The following AQR variants were observed in gnomAD, a reference collection of about 807,000 sequenced individuals.
AQR encodes the protein aquarius intron-binding spliceosomal factor.
Under a neutral mutation model 180.5 loss-of-function variants are expected in AQR, and 61 were observed. That is an observed-to-expected ratio of 0.34 (90% CI 0.28 to 0.42). AQR has a LOEUF of 0.42. Ranked by LOEUF, AQR falls within the 10% of genes least tolerant of loss-of-function variation. AQR has a pLI of 1.00. For missense variants in AQR, 1,281 were observed against 1,798.3 expected, an observed-to-expected ratio of 0.71 and a Z score of 5.20; for synonymous variants, 551 against 588.8, an observed-to-expected ratio of 0.94 and a Z score of 0.93.
intron 2 of AQR, among the ~76,000 whole-genome samples, chr15:34,961,585 G>T (rs1466770294): frequency 7.7e-6 from 1 of 129,462 alleles, no homozygotes; most frequent in East Asian, 2.3e-4. Flanking sequence ...ACTCCATCCA[G>T]CCTGGTGATA....
At chr15:34,886,782 C>T in intron 24 of AQR, 121 bp from the exon 25 acceptor site, 1 of 1,020,958 alleles carries the variant, frequency 9.8e-7, no homozygotes, top group Non-Finnish European at 1.4e-6. Context: ...GAAGATATGG[C>T]TTCTATTTAA....
intron 4 of AQR, among the ~76,000 whole-genome samples, chr15:34,952,269 C>G (rs1894246182): frequency 6.6e-6 from 1 of 152,208 alleles, no homozygotes; most frequent in Non-Finnish European, 1.5e-5. Context: ...GCTTCTGTTT[C>G]CAGTAAATAC....
At chr15:34,896,414 C>T (rs766562659) in intron 22 of AQR, among the ~76,000 whole-genome samples, 3 of 152,016 alleles carry the variant, frequency 2.0e-5, no homozygotes, top group Non-Finnish European at 4.4e-5. Context: ...AACACTGAAG[C>T]GAGCAGCAAG....
At chr15:34,907,714 GA>G (rs1893439603) in intron 17 of AQR, among the ~76,000 whole-genome samples, 2 of 152,162 alleles carry the variant, frequency 1.3e-5, no homozygotes, top group African/African-American at 4.8e-5. Flanking sequence ...GAAGTAATGA[GA>G]ATGAATGGGA....
At chr15:34,947,789 G>C (rs1242548527) in intron 5 of AQR, among the ~76,000 whole-genome samples, 1 of 151,944 alleles carries the variant, frequency 6.6e-6, no homozygotes, top group African/African-American at 2.4e-5. Context: ...ACAGACTCAT[G>C]CCACCATGCC....
intron 23 of AQR, among the ~76,000 whole-genome samples, chr15:34,891,037 T>C (rs1476374742): frequency 6.6e-6 from 1 of 152,152 alleles, no homozygotes; most frequent in Non-Finnish European, 1.5e-5. Context: ...TTCAAACATC[T>C]CACTTTCACT....
At chr15:34,944,576 C>T (rs2140498776) in intron 5 of AQR, 148 bp from the exon 6 acceptor site, 2 of 752,730 alleles carry the variant, frequency 2.7e-6, no homozygotes, top group South Asian at 6.0e-5. Context: ...GCATCACGTG[C>T]TTACTTATAA....
chr15:34,932,610 G>A (rs139185321), intron 10 of AQR, among the ~76,000 whole-genome samples, 176 bp from the exon 11 acceptor site: 1 of 152,066 alleles, frequency 6.6e-6, no homozygotes, highest in East Asian at 1.9e-4. Flanking sequence ...TAAACCCAGT[G>A]GCAATGTTTT....
chr15:34,963,703 A>G (rs1052658384), intron 2 of AQR, among the ~76,000 whole-genome samples: 4 of 148,016 alleles, frequency 2.7e-5, no homozygotes, highest in African/African-American at 7.9e-5. Flanking sequence ...TCGCTCTGTC[A>G]TCCAGGCTGG....
chr15:34,959,725 C>T (rs529891189), intron 3 of AQR, among the ~76,000 whole-genome samples: 3 of 152,332 alleles, frequency 2.0e-5, no homozygotes, highest in Non-Finnish European at 4.4e-5. Flanking sequence ...AGTCTCTCCA[C>T]CTCTATCTTT....
At chr15:34,858,555 C>T (rs571907305) in intron 34 of AQR, among the ~76,000 whole-genome samples, 138 of 152,208 alleles carry the variant, frequency 9.1e-4, no homozygotes, top group African/African-American at 3.1e-3. Flanking sequence ...TTAAAAACTG[C>T]AGCATGCTTT....
rs1470318116 is a variant in AQR at position 34,884,592 on chromosome 15, T to A, written c.2960A>T (p.Tyr987Phe). 6.2e-7 allele frequency: 1 copy of A among 1,602,090 alleles called. No individual in the cohort carries two copies. Reference sequence around the variant, plus strand: ...TTCAGCAATTTCCATGTCTTCTTCATAAGATCTTCCTTTAAAAATGGGTTG... The same window carrying A: ...TTCAGCAATTTCCATGTCTTCTTCAAAAGATCTTCCTTTAAAAATGGGTTG... ...APQPIFKGRS[Y>F]EEDMEIAEGC... Residue 987 changes from tyrosine (Y) to phenylalanine (F), a missense_variant, in exon 26 of 35, where the codon TAT becomes TTT. Tyr to Phe is a conservative substitution (Grantham distance 22, BLOSUM62 3). This residue lies in a region of AQR where 125 missense variants were observed against 185.0 expected (regional missense o/e 0.68). Coordinates refer to ENST00000156471, the MANE Select transcript of AQR (RefSeq NM_014691.3).
intron 9 of AQR, among the ~76,000 whole-genome samples, chr15:34,935,044 C>T (rs544265189): frequency 2.6e-5 from 4 of 152,154 alleles, no homozygotes; most frequent in South Asian, 2.1e-4. Context: ...AGAGTTTTCT[C>T]GTATGTATAA....
At chr15:34,920,520 A>T in intron 13 of AQR, 86 bp from the exon 14 acceptor site, 3 of 985,826 alleles carry the variant, frequency 3.0e-6, no homozygotes, top group Non-Finnish European at 4.6e-6. Flanking sequence ...AGCTTAAAAA[A>T]GCAAATATAA....
chr15:34,879,945 C>T (rs1307436340), intron 27 of AQR, among the ~76,000 whole-genome samples: 1 of 152,148 alleles, frequency 6.6e-6, no homozygotes, highest in African/African-American at 2.4e-5. Flanking sequence ...TCCCACAACC[C>T]AGGGACCCAG....
chr15:34,932,946 A>G (rs1305447720), intron 10 of AQR, among the ~76,000 whole-genome samples: 2 of 152,180 alleles, frequency 1.3e-5, no homozygotes, highest in African/African-American at 2.4e-5. Context: ...ACAGAGCAAG[A>G]CTGTCTCAGA....
At chr15:34,959,042 T>G (rs1894376368) in intron 3 of AQR, among the ~76,000 whole-genome samples, 1 of 152,118 alleles carries the variant, frequency 6.6e-6, no homozygotes, top group Admixed American at 6.6e-5. Flanking sequence ...TATCTGTCTG[T>G]CCGTCTGTCT....
chr15:34,872,325 T>C (rs981553742), intron 30 of AQR, among the ~76,000 whole-genome samples: 2 of 152,162 alleles, frequency 1.3e-5, no homozygotes, highest in East Asian at 1.9e-4. Flanking sequence ...GGGGACAGTG[T>C]TTTCAACTCT....
chr15:34,876,056 T>A lies in AQR; in HGVS notation c.3166-50A>T, dbSNP rs763259863. On this transcript the variant is annotated intron_variant, in intron 27 of 34. Coordinates refer to ENST00000156471, the MANE Select transcript of AQR (RefSeq NM_014691.3). The stretch of plus-strand genomic sequence containing the variant: ...AAAGACAGCTTAAAAGTCAAACAAC[T>A]ACCATCATAAACATAATCATCAAAA... 5.2e-6 allele frequency: 7 copies of A among 1,356,884 alleles called. No homozygotes were observed. The South Asian group carries it at 8.4e-5, about 16-fold the overall frequency. The allele number at this position is 1,356,884 out of a possible 1,614,324, so 84.1% of individuals were successfully genotyped here.
Sources: gnomAD v4.1 joint callset for allele counts (sites outside exome capture counted in the v4.1 genomes callset) on GRCh38, gnomAD v4.1.1 for gene constraint, gnomAD v4.1.1 regional missense constraint, MANE v1.5 for transcripts, NCBI Gene and HGNC (gene_info 2026-07-23, HGNC 2026-07-21) for gene names.